The following DCAF8L2 variants were observed in gnomAD, a reference collection of about 807,000 sequenced individuals.
DCAF8L2 encodes DDB1 and CUL4 associated factor 8 like 2.
For synonymous variants in DCAF8L2, 200 were observed against 190.9 expected (o/e 1.05, Z -0.39); for missense variants, 430 against 490.7 (o/e 0.88, Z 1.17).
the DCAF8L2 span, among the ~76,000 whole-genome samples, chrX:27,510,200 CTT>C: frequency 1.8e-5 from 2 of 108,879 alleles, no homozygotes; most frequent in Admixed American, 2.0e-4. Flanking sequence ...CAAGGCAACT[CTT>C]TCATTTTTTT....
intron 2 of DCAF8L2, among the ~76,000 whole-genome samples, chrX:27,655,125 A>AAT (rs1408128662): frequency 9.0e-6 from 1 of 111,134 alleles, no homozygotes; most frequent in Admixed American, 9.7e-5. Flanking sequence ...GGAAAAATTA[A>AAT]AAGTACAAGT....
At chrX:27,492,481 C>CTTT in the DCAF8L2 span, among the ~76,000 whole-genome samples, 9 of 96,157 alleles carry the variant, frequency 9.4e-5, no homozygotes, top group Non-Finnish European at 1.2e-4. Flanking sequence ...TTCTTTCTTT[C>CTTT]TTTTTTTTTT....
the DCAF8L2 span, among the ~76,000 whole-genome samples, chrX:27,573,484 T>C: frequency 1.6e-4 from 18 of 111,220 alleles, no homozygotes; most frequent in Non-Finnish European, 3.2e-4. Context: ...AATAAATATA[T>C]GGCTAGGATT....
chrX:27,722,551 A>T, intron 4 of DCAF8L2, among the ~76,000 whole-genome samples: 1 of 111,639 alleles, frequency 9.0e-6, no homozygotes, highest in Middle Eastern at 4.7e-3. Context: ...AAAATTCAAA[A>T]TTGGATGTGT....
At chrX:27,623,506 G>C (rs1162232165) in intron 1 of DCAF8L2, among the ~76,000 whole-genome samples, 1 of 109,284 alleles carries the variant, frequency 9.2e-6, no homozygotes, top group Non-Finnish European at 1.9e-5. Flanking sequence ...AGTTTTTGAG[G>C]GTTTTTCAAT....
At position 27,694,392 on chromosome X, in the gene DCAF8L2, T is replaced by C. The variant is rs905108667; in HGVS notation, c.-143+16480T>C. Among the ~76,000 whole-genome samples the C allele has an allele frequency of 3.6e-5, 4 of 112,060 alleles. No individual in the cohort carries two copies. In the Admixed American group the frequency reaches 3.8e-4, roughly 11 times the overall value. ...TATTTTTTAAAATAATAATTTCCTC[T>C]ATTTTTATCTTTATCTCCATTTAAC... On this transcript the variant is annotated intron_variant, in intron 3 of 4. Transcript: ENST00000451261.
intron 3 of DCAF8L2, among the ~76,000 whole-genome samples, chrX:27,686,863 C>T (rs1373809244): frequency 8.9e-6 from 1 of 112,322 alleles, no homozygotes; most frequent in Non-Finnish European, 1.9e-5. Flanking sequence ...TGAAACTCTT[C>T]CATCTCTGAT....
chrX:27,684,722 T>C (rs1183669605), intron 3 of DCAF8L2, among the ~76,000 whole-genome samples: 1 of 111,601 alleles, frequency 9.0e-6, no homozygotes, highest in Non-Finnish European at 1.9e-5. Context: ...TGGTAGGACA[T>C]CTTTGATGTG....
chrX:27,622,414 G>C (rs1347057645), intron 1 of DCAF8L2, among the ~76,000 whole-genome samples: 1 of 108,690 alleles, frequency 9.2e-6, no homozygotes, highest in Non-Finnish European at 1.9e-5. Context: ...GACTGAGCGA[G>C]ACTCCATCTA....
At chrX:27,472,567 AGT>A in the DCAF8L2 span, among the ~76,000 whole-genome samples, 1 of 110,390 alleles carries the variant, frequency 9.1e-6, no homozygotes, top group African/African-American at 3.3e-5. Flanking sequence ...GACAGGCCCC[AGT>A]GTGTGATGTT....
At chrX:27,717,796 T>C (rs1298051576) in intron 4 of DCAF8L2, among the ~76,000 whole-genome samples, 2 of 111,989 alleles carry the variant, frequency 1.8e-5, no homozygotes, top group African/African-American at 6.5e-5. Flanking sequence ...AGAACAACTA[T>C]TTAAAAATAC....
chrX:27,589,520 C>T (rs1479046003), upstream of DCAF8L2, among the ~76,000 whole-genome samples: 1 of 108,084 alleles, frequency 9.3e-6, no homozygotes, highest in East Asian at 2.8e-4. Flanking sequence ...TTCATACCAT[C>T]TTATATATTT....
chrX:27,727,969 T>C lies in DCAF8L2; in HGVS notation c.-59+11798T>C, dbSNP rs190033720. Among the ~76,000 whole-genome samples, 365 of 111,788 alleles carry C rather than the reference T, an allele frequency of 3.3e-3. 3 individuals carry two copies. The highest frequency in any genetic ancestry group is 0.012 in the East Asian group (42 of 3,537). On this transcript the variant is annotated intron_variant, in intron 4 of 4. Coordinates refer to ENST00000451261, the MANE Select transcript of DCAF8L2 (RefSeq NM_001353450.2). ...TTTCACATTCCAATTGTATCTTGTC[T>C]ATAGAAATACAATTGCAATGACTAG...
the DCAF8L2 span, among the ~76,000 whole-genome samples, chrX:27,576,867 A>G: frequency 8.9e-6 from 1 of 111,985 alleles, no homozygotes; most frequent in East Asian, 2.8e-4. Flanking sequence ...ATTGAACTCA[A>G]ACTATCTATT....
chrX:27,485,672 G>A, the DCAF8L2 span, among the ~76,000 whole-genome samples: 1 of 110,651 alleles, frequency 9.0e-6, no homozygotes, highest in Admixed American at 9.7e-5. Flanking sequence ...CTTTCTACAC[G>A]AATAATTTTA....
chrX:27,600,571 A>C (rs2147119971), intron 1 of DCAF8L2, among the ~76,000 whole-genome samples: 1 of 112,320 alleles, frequency 8.9e-6, no homozygotes, highest in East Asian at 2.8e-4. Context: ...CGAAAATTTT[A>C]TCTTCAAAGA....
At chrX:27,650,095 G>A (rs772627210) in intron 2 of DCAF8L2, among the ~76,000 whole-genome samples, 18 of 111,459 alleles carry the variant, frequency 1.6e-4, no homozygotes, top group African/African-American at 5.9e-4. Flanking sequence ...GTTGAAGATC[G>A]AATGGCTGTA....
chrX:27,519,823 A>G, the DCAF8L2 span: 1 of 371,624 alleles, frequency 2.7e-6, no homozygotes, highest in Non-Finnish European at 4.8e-6. Flanking sequence ...TTATCATGTC[A>G]TCTATAAATT....
At chrX:27,498,160 A>G in the DCAF8L2 span, among the ~76,000 whole-genome samples, 1 of 112,402 alleles carries the variant, frequency 8.9e-6, no homozygotes, top group Non-Finnish European at 1.9e-5. Flanking sequence ...TATCTTTTCA[A>G]GACCTTGCTC....
Sources: allele counts gnomAD v4.1 joint callset (sites outside exome capture counted in the v4.1 genomes callset), GRCh38; gene constraint gnomAD v4.1.1; transcripts MANE v1.5; gene names NCBI Gene and HGNC (gene_info 2026-07-23, HGNC 2026-07-21).